DNAH9: variants seen among roughly 807,000 people sequenced by gnomAD.
DNAH9 encodes the protein dynein axonemal heavy chain 9, also known as DNAH9 variant protein.
DNAH9 carries 345 observed loss-of-function variants against 471.6 expected under a neutral mutation model. The observed-to-expected ratio is 0.73, with a 90% CI of 0.67 to 0.80. The LOEUF (loss-of-function observed/expected upper bound fraction) is 0.80. Ranked by LOEUF, DNAH9 falls within the 30% of genes least tolerant of loss-of-function variation. The probability of loss-of-function intolerance (pLI) is 0.00; values close to 1 mark genes in which losing one functional copy is unlikely to be tolerated. For synonymous variants in DNAH9, 2,093 were observed against 2,123.6 expected (o/e 0.99, Z 0.40); for missense variants, 5,407 against 5,609.2 (o/e 0.96, Z 1.15).
chr17:11,731,947 A>C (rs2075277626), intron 28 of DNAH9, among the ~76,000 whole-genome samples: 1 of 152,126 alleles, frequency 6.6e-6, no homozygotes, highest in Admixed American at 6.5e-5. Flanking sequence ...TGGTATTTCT[A>C]GTTCTAGATC....
intron 19 of DNAH9, among the ~76,000 whole-genome samples, chr17:11,689,043 C>T (rs1395511264): frequency 1.3e-5 from 2 of 151,586 alleles, no homozygotes; most frequent in East Asian, 1.9e-4. Context: ...TGCAGTGAGC[C>T]GAGATCACGC....
rs768238895 is a variant in DNAH9 at position 11,679,755 on chromosome 17, AG to A, written c.3354-1del. ...TCCTCATGTTCTGTTTGTGTTGATT[AG>A]CTTGGCCAACCTGGATGCGTTTATA... On this transcript the variant is annotated splice_acceptor_variant, in intron 17 of 68. Transcript: ENST00000262442. LOFTEE classifies it high-confidence loss of function. The A allele has an allele frequency of 6.2e-6, 10 of 1,608,768 alleles. No individual in the cohort carries two copies. Among genetic ancestry groups the A allele is most frequent in the Admixed American group, 1.7e-5 (1 of 60,006 alleles).
chr17:11,883,008 G>A, intron 55 of DNAH9: 1 of 985,690 alleles, frequency 1.0e-6, no homozygotes. Context: ...AGACACTACA[G>A]CTGCCTGAAG....
Position 11,834,636 on chromosome 17 carries a change from A to G in DNAH9, c.9247-2A>G. The G allele has an allele frequency of 6.2e-7, 1 of 1,613,966 alleles. No individual in the cohort carries two copies. On this transcript the variant is annotated splice_acceptor_variant, in intron 48 of 68. Coordinates refer to ENST00000262442, the MANE Select transcript of DNAH9 (RefSeq NM_001372.4). LOFTEE classifies it high-confidence loss of function. ...GATAAGTCCCGTGCTTCTCCAATGCAGGTGGATGATCTGAAAGCAAAGCTG... is the reference window on the plus strand; with the variant it reads ...GATAAGTCCCGTGCTTCTCCAATGCGGGTGGATGATCTGAAAGCAAAGCTG...
At chr17:11,733,338 A>G (rs1447656060) in intron 28 of DNAH9, among the ~76,000 whole-genome samples, 2 of 152,354 alleles carry the variant, frequency 1.3e-5, no homozygotes, top group Admixed American at 1.3e-4. Flanking sequence ...GCACAGAGAC[A>G]GCATGGCCTT....
intron 26 of DNAH9, among the ~76,000 whole-genome samples, chr17:11,714,279 ATTACT>A (rs1206244924): frequency 7.2e-5 from 11 of 152,134 alleles, no homozygotes; most frequent in African/African-American, 1.9e-4. Context: ...TGGTTGGAAG[ATTACT>A]TTACATTCAT....
At position 11,664,835 on chromosome 17, in the gene DNAH9, A is replaced by G; in HGVS notation, c.2598A>G (p.Glu866=). 1.2e-6 allele frequency: 2 copies of G among 1,612,458 alleles called. No homozygotes were observed. Among genetic ancestry groups the G allele is most frequent in the East Asian group, 2.2e-5 (1 of 44,856 alleles). The part of the protein sequence containing the change: ...SGLKIHALVQ[E]NLGLFSADPT... ...ATCCTTTCTTCTTCCTTTTATAGGA[A>G]AACCTGGGTCTATTTTCAGCAGACC... The change falls in exon 15 of 69, where the codon GAA becomes GAG. Residue 866 remains glutamate, a splice_region_variant and synonymous_variant. Transcript: ENST00000262442.
chr17:11,705,845 AAT>A (rs2037379361), intron 26 of DNAH9, among the ~76,000 whole-genome samples: 1 of 152,184 alleles, frequency 6.6e-6, no homozygotes, highest in African/African-American at 2.4e-5. Flanking sequence ...ATACCCCATA[AAT>A]ATGTCAAATA....
At chr17:11,608,690 C>T (rs1032143762) in intron 2 of DNAH9, among the ~76,000 whole-genome samples, 2 of 152,174 alleles carry the variant, frequency 1.3e-5, no homozygotes, top group Non-Finnish European at 2.9e-5. Context: ...CATGCCTCTT[C>T]CCAGTGTTTA....
intron 10 of DNAH9, among the ~76,000 whole-genome samples, chr17:11,644,086 A>G (rs2073332080): frequency 6.6e-6 from 1 of 152,158 alleles, no homozygotes; most frequent in Non-Finnish European, 1.5e-5. Context: ...TTGGCAGCAC[A>G]GTAGGTTTGT....
chr17:11,957,075 AGG>A (rs1975680397), intron 67 of DNAH9, among the ~76,000 whole-genome samples: 1 of 152,126 alleles, frequency 6.6e-6, no homozygotes, highest in Non-Finnish European at 1.5e-5. Context: ...TCAGGATGGA[AGG>A]GGAGATATCA....
At chr17:11,815,526 C>T (rs559880524) in intron 45 of DNAH9, among the ~76,000 whole-genome samples, 1 of 152,276 alleles carries the variant, frequency 6.6e-6, no homozygotes, top group South Asian at 2.1e-4. Context: ...CAGTGGCTTA[C>T]ACCTGTAATC....
chr17:11,692,937 G>A (rs561251613), intron 20 of DNAH9, among the ~76,000 whole-genome samples: 3 of 152,092 alleles, frequency 2.0e-5, no homozygotes, highest in Non-Finnish European at 2.9e-5. Context: ...ATGGAGTCTC[G>A]CTTTGTCACC....
intron 49 of DNAH9, among the ~76,000 whole-genome samples, chr17:11,838,491 G>C (rs1428692362): frequency 6.6e-6 from 1 of 152,166 alleles, no homozygotes; most frequent in Non-Finnish European, 1.5e-5. Context: ...CCATGAAGCA[G>C]ATAGTATAAA....
At position 11,871,492 on chromosome 17, in the gene DNAH9, T is replaced by A; in HGVS notation, c.10054-106T>A. ...AGGGCCATATAAGTGATATTCTGCC[T>A]CTTCCCGCTATGAAGCGTGCAGCGG... On this transcript the variant is annotated intron_variant, in intron 51 of 68. Transcript: ENST00000262442. The A allele has an allele frequency of 6.0e-6, 6 of 998,972 alleles. No homozygotes were observed. The East Asian group carries it at 9.6e-5, about 16-fold the overall frequency. 61.9% of individuals were successfully genotyped at this position (998,972 alleles called of 1,614,324 possible).
chr17:11,893,195 A>AAAAAAAAG (rs1567881022), intron 58 of DNAH9, among the ~76,000 whole-genome samples: 4 of 150,650 alleles, frequency 2.7e-5, no homozygotes, highest in Non-Finnish European at 1.5e-5. Flanking sequence ...AAAAAAAAAA[A>AAAAAAAAG]TGTGGGCCCC....
At chr17:11,680,039 A>G (rs1416291648) in intron 18 of DNAH9, 60 bp downstream of exon 18, 1 of 1,411,086 alleles carries the variant, frequency 7.1e-7, no homozygotes, top group African/African-American at 1.4e-5. Context: ...GGATTTCAGA[A>G]TGGGGTAAAG....
chr17:11,902,617 A>G lies in DNAH9; in HGVS notation c.11407-102A>G, dbSNP rs1373101146. On this transcript the variant is annotated intron_variant, in intron 59 of 68. Transcript: ENST00000262442. ...CTCTAGACAAGAGTATAAATGAGAC[A>G]GAATTGTGTAGATAAGACCATCTGG... 1.2e-5 allele frequency: 13 copies of G among 1,067,624 alleles called. No individual in the cohort carries two copies. The Admixed American group carries it at 1.8e-4, about 15-fold the overall frequency. The allele number at this position is 1,067,624 out of a possible 1,614,324, so 66.1% of individuals were successfully genotyped here. A position where few individuals can be genotyped will look rare whatever the true frequency, so the allele number is the denominator to read the frequency against.
rs755755899 is a variant in DNAH9 at position 11,610,460 on chromosome 17, C to A, written c.679C>A (p.Gln227Lys). 1 of 1,613,546 alleles carries A rather than the reference C, an allele frequency of 6.2e-7. No homozygotes were observed. Among genetic ancestry groups the A allele is most frequent in the Admixed American group, 1.7e-5 (1 of 60,020 alleles). ...IESAVIKWSY[Q>K]VQVVLKRESS... ...GTCTGCAGTGATCAAATGGAGCTAC[C>A]AAGTCCAGGTGGTACTCAAGAGAGA... is the stretch of plus-strand genomic sequence containing the variant. The change falls in exon 3 of 69, where the codon CAA becomes AAA. Residue 227 changes from glutamine to lysine, a missense_variant. This residue lies in a region of DNAH9 where 767 missense variants were observed against 692.5 expected (regional missense o/e 1.11). Transcript: ENST00000262442.
Sources: allele counts gnomAD v4.1 joint callset (sites outside exome capture counted in the v4.1 genomes callset), GRCh38; gene constraint gnomAD v4.1.1; regional missense constraint gnomAD v4.1.1; transcripts MANE v1.5; gene names NCBI Gene and HGNC (gene_info 2026-07-23, HGNC 2026-07-21).